Variants in PDE4D observed in about 807,000 individuals in gnomAD.
PDE4D encodes the protein 3',5'-cyclic-AMP phosphodiesterase 4D.
Under a neutral mutation model 87.4 loss-of-function variants are expected in PDE4D, and 24 were observed. The ratio of observed to expected loss-of-function variants is 0.27; its 90% CI spans 0.20 to 0.39. The LOEUF is 0.39. PDE4D is among the 10% of genes least tolerant of loss of function. The pLI is 1.00. For missense variants in PDE4D, 714 were observed against 1,041.0 expected (o/e 0.69, Z 4.32); for synonymous variants, 384 against 383.2 (o/e 1.00, Z -0.02).
chr5:59,281,518 A>G (rs1765795083), intron 1 of PDE4D, among the ~76,000 whole-genome samples: 1 of 152,134 alleles, frequency 6.6e-6, no homozygotes, highest in Non-Finnish European at 1.5e-5. Flanking sequence ...AACTCTCTCT[A>G]AGCATAGGTA....
intron 1 of PDE4D, among the ~76,000 whole-genome samples, chr5:60,387,365 T>C (rs896504283): frequency 2.6e-5 from 4 of 152,248 alleles, no homozygotes; most frequent in Non-Finnish European, 5.9e-5. Flanking sequence ...ATCCATGTTC[T>C]TTTCTATTTT....
chr5:59,172,730 A>T (rs1168958293), intron 5 of PDE4D: 1 of 151,802 alleles, frequency 6.6e-6, no homozygotes, highest in Admixed American at 6.6e-5. Flanking sequence ...AATTAATTAA[A>T]ATAAAAAATA....
chr5:60,400,438 C>T (rs564621266), intron 1 of PDE4D, among the ~76,000 whole-genome samples: 4 of 135,658 alleles, frequency 2.9e-5, no homozygotes, highest in South Asian at 2.4e-4. Flanking sequence ...AGGAGAATGG[C>T]GTGAACCCGG....
At chr5:59,606,270 A>G (rs913985774) in intron 1 of PDE4D, among the ~76,000 whole-genome samples, 3 of 152,164 alleles carry the variant, frequency 2.0e-5, no homozygotes, top group Admixed American at 1.3e-4. Context: ...TCAATTAATA[A>G]TTAGCAAAGA....
chr5:59,771,253 C>T (rs74577703), intron 1 of PDE4D, among the ~76,000 whole-genome samples: 3,393 of 151,352 alleles, frequency 0.022, 102 homozygotes, highest in African/African-American at 0.068. Flanking sequence ...AAATGATTGA[C>T]ATGAAAAAGT....
intron 1 of PDE4D, among the ~76,000 whole-genome samples, chr5:59,631,618 G>A (rs1237691051): frequency 6.6e-6 from 1 of 152,030 alleles, no homozygotes; most frequent in Non-Finnish European, 1.5e-5. Context: ...AGGGTGGGGC[G>A]TCTCCCCACC....
intron 1 of PDE4D, among the ~76,000 whole-genome samples, chr5:60,371,221 A>C (rs1761003878): frequency 6.6e-6 from 1 of 152,198 alleles, no homozygotes; most frequent in Non-Finnish European, 1.5e-5. Flanking sequence ...GCCTTTGCTG[A>C]CGTCTTCTGA....
chr5:60,048,437 A>C (rs1044644324), intron 2 of PDE4D, among the ~76,000 whole-genome samples: 1 of 150,666 alleles, frequency 6.6e-6, no homozygotes, highest in South Asian at 2.1e-4. Flanking sequence ...TTGCTCGTTA[A>C]TCGATGCAGT....
chr5:59,028,352 A>G (rs896157444), intron 6 of PDE4D, among the ~76,000 whole-genome samples: 1 of 151,932 alleles, frequency 6.6e-6, no homozygotes, highest in African/African-American at 2.4e-5. Flanking sequence ...AGGTCACTTT[A>G]TCAAAAGGAT....
intron 1 of PDE4D, among the ~76,000 whole-genome samples, chr5:60,331,355 A>G (rs1757289823): frequency 6.6e-6 from 1 of 152,214 alleles, no homozygotes; most frequent in African/African-American, 2.4e-5. Flanking sequence ...CAACGCACCT[A>G]AGAAAAGCCC....
intron 4 of PDE4D, among the ~76,000 whole-genome samples, chr5:59,182,879 T>A (rs1054979523): frequency 7.9e-5 from 12 of 152,198 alleles, no homozygotes; most frequent in African/African-American, 2.9e-4. Flanking sequence ...TGTTAACAAG[T>A]CAGCAATGTG....
intron 1 of PDE4D, among the ~76,000 whole-genome samples, chr5:59,837,802 T>C (rs1742361917): frequency 6.6e-6 from 1 of 152,086 alleles, no homozygotes; most frequent in Non-Finnish European, 1.5e-5. Context: ...TAGGACACCA[T>C]TGCTCCTTAA....
intron 1 of PDE4D, among the ~76,000 whole-genome samples, chr5:59,551,123 C>T (rs1455611563): frequency 6.6e-6 from 1 of 151,998 alleles, no homozygotes; most frequent in Admixed American, 6.6e-5. Flanking sequence ...AAATTTGATT[C>T]CTTAATGTAT....
intron 1 of PDE4D, among the ~76,000 whole-genome samples, chr5:60,442,096 AC>A (rs1745272933): frequency 1.3e-5 from 2 of 152,090 alleles, no homozygotes; most frequent in Admixed American, 6.5e-5. Context: ...CTGGGTATAT[AC>A]CCAAAGGACT....
chr5:59,992,488 CTCT>C (rs1350029415), intron 2 of PDE4D, among the ~76,000 whole-genome samples: 5 of 152,164 alleles, frequency 3.3e-5, no homozygotes, highest in South Asian at 2.1e-4. Flanking sequence ...TGTGTAAATA[CTCT>C]TCTTCTGGAT....
intron 1 of PDE4D, among the ~76,000 whole-genome samples, chr5:59,569,614 A>G (rs1408583513): frequency 6.6e-6 from 1 of 152,224 alleles, no homozygotes; most frequent in African/African-American, 2.4e-5. Flanking sequence ...CCATTAGAAC[A>G]TCCAGACTCA....
At position 59,996,475 on chromosome 5, in the gene PDE4D, G is replaced by T. The variant is rs571431532; in HGVS notation, c.43-7758C>A. The stretch of plus-strand genomic sequence containing the variant: ...TCACAGTGGATTAAAAGTCATATTT[G>T]CAATCTTAACATATTATATGCCAAT... On this transcript the variant is annotated intron_variant, in intron 2 of 16. Coordinates refer to the PDE4D transcript ENST00000502484. Among the ~76,000 whole-genome samples, 6 of 152,218 alleles carry T rather than the reference G, an allele frequency of 3.9e-5. No homozygotes were observed. The South Asian group carries it at 1.0e-3, about 26-fold the overall frequency.
chr5:60,128,821 T>C (rs1779339610), intron 2 of PDE4D, among the ~76,000 whole-genome samples: 1 of 152,204 alleles, frequency 6.6e-6, no homozygotes, highest in Admixed American at 6.5e-5. Flanking sequence ...CATATTTCTA[T>C]GATACAGACA....
At chr5:60,480,848 T>C (rs1748677396) in intron 1 of PDE4D, among the ~76,000 whole-genome samples, 1 of 152,170 alleles carries the variant, frequency 6.6e-6, no homozygotes, top group South Asian at 2.1e-4. Context: ...GTGCCTATTA[T>C]TATTGTTCAG....
Sources: gnomAD v4.1 joint callset for allele counts (sites outside exome capture counted in the v4.1 genomes callset) on GRCh38, gnomAD v4.1.1 for gene constraint, MANE v1.5 for transcripts, NCBI Gene and HGNC (gene_info 2026-07-23, HGNC 2026-07-21) for gene names.